The following CLRN2 variants were observed in gnomAD, a reference collection of about 807,000 sequenced individuals.
CLRN2 encodes clarin 2, also known as clarin-2.
In CLRN2, 17 loss-of-function variants were observed where a neutral mutation model predicts 20.1. The observed-to-expected ratio is 0.85, with a 90% CI of 0.58 to 1.27. The LOEUF (loss-of-function observed/expected upper bound fraction) is 1.27, where lower values mean the gene tolerates loss of function less well. Ranked by LOEUF, CLRN2 falls within the 50% of genes most tolerant of loss-of-function variation. The pLI is 0.00. For missense variants in CLRN2, 288 were observed against 299.5 expected (o/e 0.96, Z 0.28); for synonymous variants, 140 against 126.9 (o/e 1.10, Z -0.70).
intron 2 of CLRN2, among the ~76,000 whole-genome samples, chr4:17,525,182 A>T (rs1711944038): frequency 6.6e-6 from 1 of 152,232 alleles, no homozygotes; most frequent in Non-Finnish European, 1.5e-5. Context: ...TAATATCAAA[A>T]AATTAGAAGT....
At chr4:17,523,363 C>T (rs1029742316) in intron 2 of CLRN2, among the ~76,000 whole-genome samples, 2 of 151,942 alleles carry the variant, frequency 1.3e-5, no homozygotes, top group Non-Finnish European at 2.9e-5. Flanking sequence ...TACAGGCGTG[C>T]ACCACCATGC....
Position 17,526,920 on chromosome 4 carries a change from G to C in CLRN2, c.537G>C (p.Val179=). 6.2e-7 allele frequency: 1 copy of C among 1,614,044 alleles called. No individual in the cohort carries two copies. The highest frequency in any genetic ancestry group is 8.5e-7 in the Non-Finnish European group (1 of 1,179,896). The change falls in exon 3 of 3, where the codon GTG becomes GTC. Residue 179 remains valine (V), a synonymous_variant. Transcript: ENST00000511148. ...TTCAGGAGAAGCTCTTCCAGTTTGT[G>C]GTGGTGGAAGAACAGTATGAAGAGT... ...ANFQEKLFQF[V]VVEEQYEESF...
rs764972274 is a variant in CLRN2, at chr4:17,522,876, T to C, written c.266T>C (p.Leu89Pro). Residue 89 changes from leucine to proline, a missense_variant, in exon 2 of 3, where the codon CTG becomes CCG. Transcript: ENST00000511148. Reference protein sequence around the residue: ...RQSQFTIFPHLVKELNAGLHV... With the variant: ...RQSQFTIFPHPVKELNAGLHV... Reference sequence around the variant, plus strand: ...CTTGTCTCCCCAGTCTTCCCACACCTGGTGAAGGAGCTCAACGCAGGCCTT... The same window carrying C: ...CTTGTCTCCCCAGTCTTCCCACACCCGGTGAAGGAGCTCAACGCAGGCCTT... The C allele has an allele frequency of 3.1e-6, 5 of 1,613,556 alleles. No homozygotes were observed. In the African/African-American group the frequency reaches 6.7e-5, roughly 22 times the overall value.
In CLRN2 at chr4:17,527,057, T is replaced by G. The variant is rs767300796; in HGVS notation, c.674T>G (p.Val225Gly). The G allele has an allele frequency of 6.2e-7, 1 of 1,614,012 alleles. No homozygotes were observed. The highest frequency in any genetic ancestry group is 1.1e-5 in the South Asian group (1 of 91,082). ...EIKTKIEEAT[V>G]TAEDILY The stretch of plus-strand genomic sequence containing the variant: ...AAGACCAAAATCGAAGAGGCCACGG[T>G]CACAGCTGAGGATATCTTGTATTAA... Residue 225 changes from valine (V) to glycine (G), a missense_variant, in exon 3 of 3, where the codon GTC becomes GGC. Transcript: ENST00000511148.
intron 1 of CLRN2, among the ~76,000 whole-genome samples, chr4:17,520,251 T>A (rs796464059): frequency 3.9e-5 from 6 of 152,318 alleles, no homozygotes; most frequent in African/African-American, 1.4e-4. Context: ...CATCCTAATA[T>A]GATTATTTCT....
At chr4:17,518,029 G>A (rs1711723788) in intron 1 of CLRN2, among the ~76,000 whole-genome samples, 1 of 149,912 alleles carries the variant, frequency 6.7e-6, no homozygotes, top group African/African-American at 2.5e-5. Context: ...TTTCTCCTGG[G>A]GTCTCTTTCT....
chr4:17,516,871 G>T (rs575714414), intron 1 of CLRN2, among the ~76,000 whole-genome samples: 37 of 152,294 alleles, frequency 2.4e-4, no homozygotes, highest in Admixed American at 2.0e-3. Flanking sequence ...CACTCTGAAG[G>T]TTCTCTAAAC....
rs547495068 is a variant in CLRN2 at position 17,519,893 on chromosome 4, G to T, written c.254-2971G>T. ...CTTTTTTAAAAAATAATTTAATTTAGAGACAGAGCCTTGCTATGTTGCCCA... is the reference window on the plus strand; with the variant it reads ...CTTTTTTAAAAAATAATTTAATTTATAGACAGAGCCTTGCTATGTTGCCCA... On this transcript the variant is annotated intron_variant, in intron 1 of 2. Coordinates refer to ENST00000511148, the MANE Select transcript of CLRN2 (RefSeq NM_001079827.2). Among the ~76,000 whole-genome samples the T allele has an allele frequency of 2.6e-5, 4 of 152,174 alleles. No homozygotes were observed. In the South Asian group the frequency reaches 6.2e-4, roughly 24 times the overall value.
chr4:17,519,766 A>C (rs1194011930), intron 1 of CLRN2, among the ~76,000 whole-genome samples: 1 of 152,220 alleles, frequency 6.6e-6, no homozygotes, highest in Non-Finnish European at 1.5e-5. Context: ...CTAGGGCAGC[A>C]CTGGGTGTCA....
chr4:17,525,995 C>G (rs1289915901), intron 2 of CLRN2, among the ~76,000 whole-genome samples: 2 of 151,812 alleles, frequency 1.3e-5, no homozygotes, highest in Non-Finnish European at 2.9e-5. Context: ...GAGAGAGAGA[C>G]AGATTCCTCC....
chr4:17,524,235 T>TGCGC (rs1553877009), intron 2 of CLRN2, among the ~76,000 whole-genome samples: 6 of 139,966 alleles, frequency 4.3e-5, no homozygotes, highest in South Asian at 2.3e-4. Context: ...TGTGTGTGTG[T>TGCGC]GCGCGCGCAT....
chr4:17,524,088 T>G (rs1210481178), intron 2 of CLRN2, among the ~76,000 whole-genome samples: 2 of 151,570 alleles, frequency 1.3e-5, no homozygotes, highest in African/African-American at 2.4e-5. Context: ...CCACAATGAG[T>G]GGCAGAGGTG....
At chr4:17,522,509 G>C (rs78424980) in intron 1 of CLRN2, among the ~76,000 whole-genome samples, 36 of 152,334 alleles carry the variant, frequency 2.4e-4, no homozygotes, top group African/African-American at 8.4e-4. Context: ...TGAGAATTAT[G>C]TGTCCTTCAT....
chr4:17,521,642 C>T (rs976969979), intron 1 of CLRN2, among the ~76,000 whole-genome samples: 13 of 152,186 alleles, frequency 8.5e-5, no homozygotes, highest in African/African-American at 1.9e-4. Context: ...ACACAGCCTC[C>T]GGTGTAAAAG....
intron 1 of CLRN2, among the ~76,000 whole-genome samples, chr4:17,520,379 T>C (rs1001099755): frequency 6.6e-5 from 10 of 152,266 alleles, no homozygotes; most frequent in Non-Finnish European, 7.3e-5. Flanking sequence ...TAAATCAGTC[T>C]ATTCACATAC....
At chr4:17,523,171 CCTT>C (rs1191592919) in intron 2 of CLRN2, 128 bp downstream of exon 2, 2 of 599,228 alleles carry the variant, frequency 3.3e-6, no homozygotes, top group Non-Finnish European at 5.6e-6. Context: ...GGGTCTAAGA[CCTT>C]CTTGATGGGC....
At chr4:17,519,762 C>T (rs1269477906) in intron 1 of CLRN2, among the ~76,000 whole-genome samples, 1 of 152,178 alleles carries the variant, frequency 6.6e-6, no homozygotes, top group Non-Finnish European at 1.5e-5. Flanking sequence ...TTTCCTAGGG[C>T]AGCACTGGGT....
intron 2 of CLRN2, among the ~76,000 whole-genome samples, chr4:17,524,310 A>G (rs567072813): frequency 1.3e-5 from 2 of 152,230 alleles, no homozygotes; most frequent in South Asian, 4.1e-4. Flanking sequence ...TTAACAAATC[A>G]TCTGTAATGA....
chr4:17,522,339 C>T (rs1344488068), intron 1 of CLRN2, among the ~76,000 whole-genome samples: 1 of 152,142 alleles, frequency 6.6e-6, no homozygotes, highest in East Asian at 1.9e-4. Context: ...ACTGACTTTC[C>T]CAGGCACTAT....
Sources: gnomAD v4.1 joint callset for allele counts (sites outside exome capture counted in the v4.1 genomes callset) on GRCh38, gnomAD v4.1.1 for gene constraint, MANE v1.5 for transcripts, NCBI Gene and HGNC (gene_info 2026-07-23, HGNC 2026-07-21) for gene names.